The following TMEM131 variants were observed in gnomAD, a reference collection of about 807,000 sequenced individuals.
TMEM131 encodes 2610524E03Rik.
In TMEM131, 66 loss-of-function variants were observed where a neutral mutation model predicts 211.6. The observed-to-expected ratio is 0.31, with a 90% CI of 0.26 to 0.38. TMEM131 has a LOEUF of 0.38. Ranked by LOEUF, TMEM131 falls within the 10% of genes least tolerant of loss-of-function variation. The pLI, the probability that TMEM131 is intolerant of heterozygous loss-of-function variation, is 1.00. For missense variants in TMEM131, 2,036 were observed against 2,299.3 expected (o/e 0.89, Z 2.34); for synonymous variants, 844 against 841.3 (o/e 1.00, Z -0.06).
rs557019754 is a variant in TMEM131, at chr2:97,867,867, A to AT, written c.360-8441dup. 1.2e-4 allele frequency among the ~76,000 whole-genome samples: 18 copies of AT among 152,328 alleles called. No homozygotes were observed. The South Asian group carries it at 3.5e-3, about 30-fold the overall frequency. On this transcript the variant is annotated intron_variant, in intron 4 of 40. Coordinates refer to ENST00000186436, the MANE Select transcript of TMEM131 (RefSeq NM_015348.2). The stretch of plus-strand genomic sequence containing the variant: ...GCTTGAGGGGTATGTGGTGGGGAGC[A>AT]TAATAGAATAGGTTGTAGCCCAAAT...
chr2:97,814,627 G>A (rs773814078), intron 13 of TMEM131, among the ~76,000 whole-genome samples: 2 of 151,926 alleles, frequency 1.3e-5, no homozygotes, highest in Non-Finnish European at 2.9e-5. Context: ...CATACAATTA[G>A]AATCAAAGAC....
chr2:97,761,066 GC>G, intron 36 of TMEM131, 152 bp from the exon 37 acceptor site: 1 of 917,700 alleles, frequency 1.1e-6, no homozygotes, highest in Non-Finnish European at 1.6e-6. Context: ...ATGCTCTGGG[GC>G]CTCAGACTGC....
Position 97,766,694 on chromosome 2 carries a change from T to G in TMEM131, c.4449-92A>C, listed in dbSNP as rs1416088596. ...GATTGTAATTCTTCTACAATACAAC[T>G]GCATGCAGGAAGCTAATGTGGCTTC... On this transcript the variant is annotated intron_variant, in intron 33 of 40. Coordinates refer to ENST00000186436, the MANE Select transcript of TMEM131 (RefSeq NM_015348.2). The G allele has an allele frequency of 9.4e-6, 14 of 1,488,480 alleles. No individual in the cohort carries two copies. The Admixed American group carries it at 1.5e-4, about 16-fold the overall frequency. The allele number at this position is 1,488,480 out of a possible 1,614,324, so 92.2% of individuals were successfully genotyped here. A position where few individuals can be genotyped will look rare whatever the true frequency, so the allele number is the denominator to read the frequency against.
rs534041402 is a variant in TMEM131 at position 97,815,341 on chromosome 2, C to G, written c.1184-34G>C. 56 of 1,305,392 alleles carry G rather than the reference C, an allele frequency of 4.3e-5. No homozygotes were observed. In the African/African-American group the frequency reaches 6.0e-4, roughly 14 times the overall value. The allele number at this position is 1,305,392 out of a possible 1,614,324, so 80.9% of individuals were successfully genotyped here. On this transcript the variant is annotated intron_variant, in intron 12 of 40. Transcript: ENST00000186436. ...AAGCATAAAAAATAATCTCTGTTAC[C>G]TTTTACTACCAAAGAGAATTAGTGA...
At chr2:97,873,211 TG>T (rs1674563170) in intron 4 of TMEM131, among the ~76,000 whole-genome samples, 1 of 152,224 alleles carries the variant, frequency 6.6e-6, no homozygotes, top group African/African-American at 2.4e-5. Context: ...TTCTCTTCTC[TG>T]GGCAGGGCAT....
At chr2:97,986,462 T>C (rs991084272) in intron 1 of TMEM131, among the ~76,000 whole-genome samples, 8 of 152,192 alleles carry the variant, frequency 5.3e-5, no homozygotes, top group African/African-American at 1.9e-4. Context: ...TATAATCTGT[T>C]TTATTCTTAC....
At chr2:97,802,004 A>ACAGTTAAGG in intron 24 of TMEM131, 43 bp from the exon 25 acceptor site, 1 of 1,371,792 alleles carries the variant, frequency 7.3e-7, no homozygotes, top group Non-Finnish European at 1.0e-6. Flanking sequence ...AAGCAACATC[A>ACAGTTAAGG]CAGTTAAGGG....
chr2:97,872,927 A>G (rs12053205), intron 4 of TMEM131, among the ~76,000 whole-genome samples: 2,675 of 152,280 alleles, frequency 0.018, 113 homozygotes, highest in East Asian at 0.15. Context: ...TGCTGAAGCC[A>G]GGGACCCAAG....
chr2:97,974,439 G>A (rs981979878), intron 1 of TMEM131, among the ~76,000 whole-genome samples: 2 of 151,910 alleles, frequency 1.3e-5, no homozygotes, highest in Non-Finnish European at 2.9e-5. Context: ...AATGTTTAAA[G>A]AAATAGTAAG....
intron 1 of TMEM131, among the ~76,000 whole-genome samples, chr2:97,938,149 T>C (rs1677535039): frequency 1.3e-5 from 2 of 152,294 alleles, no homozygotes; most frequent in Admixed American, 6.5e-5. Flanking sequence ...GCTAACATCA[T>C]AATGACAGGA....
chr2:97,768,615 G>C (rs1241251297), intron 33 of TMEM131, among the ~76,000 whole-genome samples: 2 of 152,118 alleles, frequency 1.3e-5, no homozygotes, highest in African/African-American at 4.8e-5. Context: ...TTTTGAGACA[G>C]AGTCTCACTC....
chr2:97,924,258 C>A (rs1192055012), intron 2 of TMEM131, among the ~76,000 whole-genome samples: 1 of 152,178 alleles, frequency 6.6e-6, no homozygotes, highest in Non-Finnish European at 1.5e-5. Flanking sequence ...TGGCATGTGC[C>A]TGTAGTCCCA....
At chr2:97,764,656 C>A (rs937749730) in intron 35 of TMEM131, 4 of 152,314 alleles carry the variant, frequency 2.6e-5, no homozygotes, top group African/African-American at 9.6e-5. Context: ...CTGAGGCATG[C>A]GGCACTGGGC....
At chr2:97,781,869 G>T (rs1439487096) in intron 31 of TMEM131, among the ~76,000 whole-genome samples, 1 of 152,188 alleles carries the variant, frequency 6.6e-6, no homozygotes, top group East Asian at 1.9e-4. Flanking sequence ...TCTTGCCAAA[G>T]GTGCAGGAAA....
chr2:97,950,284 A>G (rs1387042447), intron 1 of TMEM131, among the ~76,000 whole-genome samples: 1 of 152,252 alleles, frequency 6.6e-6, no homozygotes, highest in Non-Finnish European at 1.5e-5. Context: ...ATCATTAACT[A>G]TAATCAAATA....
In TMEM131 at chr2:97,844,276, A is replaced by G. The variant is rs1683325535; in HGVS notation, c.484-15T>C. On this transcript the variant is annotated splice_polypyrimidine_tract_variant and intron_variant, in intron 5 of 40. Coordinates refer to ENST00000186436, the MANE Select transcript of TMEM131 (RefSeq NM_015348.2). Reference sequence around the variant, plus strand: ...GGAAGAATTTTCTGAAACAGAAAATAAAGTTAAATTTGTAACAAGAAAAAA... The same window carrying G: ...GGAAGAATTTTCTGAAACAGAAAATGAAGTTAAATTTGTAACAAGAAAAAA... The G allele has an allele frequency of 2.8e-6, 3 of 1,074,812 alleles. No homozygotes were observed. The highest frequency in any genetic ancestry group is 3.7e-6 in the Non-Finnish European group (3 of 806,124). 66.6% of individuals were successfully genotyped at this position (1,074,812 alleles called of 1,614,324 possible). A position where few individuals can be genotyped will look rare whatever the true frequency, so the allele number is the denominator to read the frequency against.
rs369311007 is a variant in TMEM131 at position 97,820,854 on chromosome 2, T to TA, written c.1075-2134dup. ...CTGGGCAACAGAGTGAGACTCCTTC[T>TA]AAAAAAAAAAAAAAGCAGCCCAGCC... On this transcript the variant is annotated intron_variant, in intron 11 of 40. Transcript: ENST00000186436. Among the ~76,000 whole-genome samples, 829 of 135,958 alleles carry TA rather than the reference T, an allele frequency of 6.1e-3. 3 individuals are homozygous for TA. The highest frequency in any genetic ancestry group is 0.017 in the African/African-American group (630 of 36,766). 89.2% of individuals were successfully genotyped at this position (135,958 alleles called of 152,430 possible). A position where few individuals can be genotyped will look rare whatever the true frequency, so the allele number is the denominator to read the frequency against.
At chr2:97,779,242 T>C (rs1413228100) in intron 31 of TMEM131, among the ~76,000 whole-genome samples, 2 of 152,212 alleles carry the variant, frequency 1.3e-5, no homozygotes, top group Non-Finnish European at 1.5e-5. Flanking sequence ...CTTCTGCTGT[T>C]TGGATACCCA....
chr2:97,934,777 T>C (rs565399444), intron 1 of TMEM131, among the ~76,000 whole-genome samples: 34 of 152,256 alleles, frequency 2.2e-4, no homozygotes, highest in African/African-American at 7.5e-4. Flanking sequence ...TTCCAACAAA[T>C]AGCACAGAAG....
Sources: allele counts gnomAD v4.1 joint callset (sites outside exome capture counted in the v4.1 genomes callset), GRCh38; gene constraint gnomAD v4.1.1; transcripts MANE v1.5; gene names NCBI Gene and HGNC (gene_info 2026-07-23, HGNC 2026-07-21).